KIAA1217: variants seen among roughly 807,000 people sequenced by gnomAD.
KIAA1217 encodes KIAA1217.
KIAA1217 carries 88 observed loss-of-function variants against 163.9 expected under a neutral mutation model. The ratio of observed to expected loss-of-function variants is 0.54; its 90% CI spans 0.45 to 0.64. The LOEUF is 0.64. Among genes scored for constraint, KIAA1217 ranks in the 30% least tolerant of loss-of-function variants. The pLI is 0.00. For synonymous variants in KIAA1217, 903 were observed against 923.1 expected (o/e 0.98, Z 0.39); for missense variants, 2,372 against 2,475.0 (o/e 0.96, Z 0.88).
At chr10:23,706,807 G>A (rs574105547) in intron 1 of KIAA1217, among the ~76,000 whole-genome samples, 3 of 152,148 alleles carry the variant, frequency 2.0e-5, no homozygotes, top group Admixed American at 6.5e-5. Context: ...GCACTTTTGG[G>A]ACATGTAAGA....
At chr10:23,767,156 G>A (rs955618393) in intron 1 of KIAA1217, among the ~76,000 whole-genome samples, 1 of 152,194 alleles carries the variant, frequency 6.6e-6, no homozygotes, top group Non-Finnish European at 1.5e-5. Flanking sequence ...GGCTGTGAAT[G>A]CAATGGCCAA....
chr10:23,979,844 G>T (rs1845692213), intron 1 of KIAA1217, among the ~76,000 whole-genome samples: 1 of 152,044 alleles, frequency 6.6e-6, no homozygotes, highest in Non-Finnish European at 1.5e-5. Context: ...GATTTCAATT[G>T]ATTTTCTTTT....
intron 2 of KIAA1217, among the ~76,000 whole-genome samples, chr10:24,360,040 CTTTTTTTT>C (rs34396312): frequency 2.1e-5 from 2 of 94,290 alleles, no homozygotes; most frequent in South Asian, 8.0e-4. Flanking sequence ...GATATAATTA[CTTTTTTTT>C]TTTTTTTTTT....
chr10:24,144,152 T>C (rs887475550), intron 2 of KIAA1217, among the ~76,000 whole-genome samples: 2 of 152,264 alleles, frequency 1.3e-5, no homozygotes, highest in East Asian at 3.8e-4. Context: ...GATTCTGTGT[T>C]TATTCATATG....
chr10:23,939,142 G>A lies in KIAA1217; in HGVS notation c.-320-68083G>A, dbSNP rs149502552. Among the ~76,000 whole-genome samples the A allele has an allele frequency of 6.5e-3, 986 of 152,066 alleles. 8 individuals carry two copies. Among genetic ancestry groups the A allele is most frequent in the African/African-American group, 0.023 (952 of 41,486 alleles). ...TAATAAGCCAACAAACACGTATAAT[G>A]TAATAACAAAATAAAAATCCAAAAG... On this transcript the variant is annotated intron_variant, in intron 1 of 18. Coordinates refer to the KIAA1217 transcript ENST00000376462.
intron 1 of KIAA1217, among the ~76,000 whole-genome samples, chr10:23,863,465 G>T (rs1326383986): frequency 6.6e-6 from 1 of 152,042 alleles, no homozygotes; most frequent in African/African-American, 2.4e-5. Flanking sequence ...CAACATTTAG[G>T]CTGGCTTGAT....
chr10:23,927,750 T>C (rs1843086019), intron 1 of KIAA1217, among the ~76,000 whole-genome samples: 1 of 152,198 alleles, frequency 6.6e-6, no homozygotes, highest in Admixed American at 6.5e-5. Flanking sequence ...TGTTGGGGGT[T>C]CTGCAGCAGA....
chr10:23,922,298 C>G (rs1842879629), intron 1 of KIAA1217, among the ~76,000 whole-genome samples: 1 of 152,164 alleles, frequency 6.6e-6, no homozygotes, highest in Non-Finnish European at 1.5e-5. Flanking sequence ...ACCTTGACCT[C>G]CATACCTCCT....
At chr10:24,206,739 C>T (rs1015690368), upstream of KIAA1217, among the ~76,000 whole-genome samples, 1 of 152,210 alleles carries the variant, frequency 6.6e-6, no homozygotes, top group Non-Finnish European at 1.5e-5. Flanking sequence ...TCTCTTCCCC[C>T]AATGCCTTTT....
chr10:24,193,491 G>A (rs550090187), intron 2 of KIAA1217, among the ~76,000 whole-genome samples: 3 of 152,324 alleles, frequency 2.0e-5, no homozygotes, highest in East Asian at 1.9e-4. Flanking sequence ...GTCCTGCTCA[G>A]CTATAAACAC....
At chr10:23,955,864 A>G (rs1011120234) in intron 1 of KIAA1217, among the ~76,000 whole-genome samples, 6 of 152,184 alleles carry the variant, frequency 3.9e-5, no homozygotes, top group East Asian at 1.9e-4. Context: ...AATCTGAAAG[A>G]TGAAGGCAAG....
chr10:24,420,701 A>T (rs970385198), intron 3 of KIAA1217, among the ~76,000 whole-genome samples: 4 of 152,144 alleles, frequency 2.6e-5, no homozygotes, highest in Admixed American at 2.6e-4. Context: ...GCTTTTACTT[A>T]TGGTGTAAGA....
intron 2 of KIAA1217, among the ~76,000 whole-genome samples, chr10:24,009,105 A>G (rs74124882): frequency 0.037 from 5,705 of 152,268 alleles, 279 homozygotes; most frequent in African/African-American, 0.12. Context: ...TTGGGATTGG[A>G]GGGCACTAAA....
At chr10:24,141,010 T>A (rs1022566582) in intron 2 of KIAA1217, among the ~76,000 whole-genome samples, 1 of 152,140 alleles carries the variant, frequency 6.6e-6, no homozygotes, top group African/African-American at 2.4e-5. Context: ...ATAGAATGCA[T>A]GAAACAACTC....
At chr10:24,361,932 A>G (rs1052463815) in intron 2 of KIAA1217, among the ~76,000 whole-genome samples, 45 of 146,430 alleles carry the variant, frequency 3.1e-4, no homozygotes, top group African/African-American at 1.1e-3. Flanking sequence ...GGGCCACTGC[A>G]AGATCGGGCC....
At chr10:24,127,172 G>A (rs1469135575) in intron 2 of KIAA1217, among the ~76,000 whole-genome samples, 1 of 152,136 alleles carries the variant, frequency 6.6e-6, no homozygotes, top group Admixed American at 6.5e-5. Flanking sequence ...CTGTCCAAAT[G>A]TAGACTGTCC....
At chr10:24,472,695 A>G (rs929458616) in intron 5 of KIAA1217, among the ~76,000 whole-genome samples, 2 of 152,234 alleles carry the variant, frequency 1.3e-5, no homozygotes, top group African/African-American at 4.8e-5. Flanking sequence ...ACAAATTACC[A>G]TAAATTTAGT....
chr10:24,357,938 C>T (rs998089643), intron 2 of KIAA1217, among the ~76,000 whole-genome samples: 2 of 152,114 alleles, frequency 1.3e-5, no homozygotes, highest in African/African-American at 4.8e-5. Context: ...TGCAGGCTTG[C>T]TTGAGGCTGT....
intron 2 of KIAA1217, among the ~76,000 whole-genome samples, chr10:24,330,227 G>A (rs1404988680): frequency 1.3e-5 from 2 of 150,822 alleles, no homozygotes; most frequent in African/African-American, 4.9e-5. Context: ...TTGAACCCAG[G>A]AGGCAGAGGT....
Sources: gnomAD v4.1 joint callset for allele counts (sites outside exome capture counted in the v4.1 genomes callset) on GRCh38, gnomAD v4.1.1 for gene constraint, MANE v1.5 for transcripts, NCBI Gene and HGNC (gene_info 2026-07-23, HGNC 2026-07-21) for gene names.